CSPG5: variants seen among roughly 807,000 people sequenced by gnomAD.
CSPG5 encodes chondroitin sulfate proteoglycan 5.
In CSPG5, 25 loss-of-function variants were observed where a neutral mutation model predicts 39.8. The ratio of observed to expected loss-of-function variants is 0.63; its 90% CI spans 0.46 to 0.88. CSPG5 has a LOEUF of 0.88. Among genes scored for constraint, CSPG5 ranks in the 40% least tolerant of loss-of-function variants. The probability of loss-of-function intolerance (pLI) is 0.00; values close to 1 mark genes in which losing one functional copy is unlikely to be tolerated. For synonymous variants in CSPG5, 295 were observed against 303.9 expected, an observed-to-expected ratio of 0.97 and a Z score of 0.31; for missense variants, 627 against 702.2, an observed-to-expected ratio of 0.89 and a Z score of 1.21.
intron 4 of CSPG5, among the ~76,000 whole-genome samples, chr3:47,564,323 C>T (rs1005144547): frequency 6.6e-6 from 1 of 152,120 alleles, no homozygotes; most frequent in Non-Finnish European, 1.5e-5. Context: ...GGAGAGACCC[C>T]GGGCTTTCCA....
Position 47,572,695 on chromosome 3 carries a change from C to T in CSPG5, c.1373G>A (p.Arg458His), listed in dbSNP as rs759474596. 2.1e-5 allele frequency: 34 copies of T among 1,613,808 alleles called. No homozygotes were observed. In the Middle Eastern group the frequency reaches 4.9e-4, roughly 23 times the overall value. Residue 458 changes from arginine (R) to histidine (H), a missense_variant, in exon 3 of 5, where the codon CGT becomes CAT. By Grantham distance (29) the Arg-to-His change is conservative. Transcript: ENST00000264723. The surrounding 1 kb of genome is among the most constrained non-coding windows in gnomAD (Gnocchi z 4.5). ...AGTGACACAGACTCACTTGGTCCTA[C>T]GCAGCTTGGTATTCTCCGTCTTGAG... ...YLLKTENTKL[R>H]RTNKFRTPSE...
chr3:47,577,246 G>C lies in CSPG5; in HGVS notation c.780C>G (p.Phe260Leu). The C allele has an allele frequency of 6.2e-7, 1 of 1,610,646 alleles. No homozygotes were observed. The highest frequency in any genetic ancestry group is 8.5e-7 in the Non-Finnish European group (1 of 1,178,370). Residue 260 changes from phenylalanine (F) to leucine (L), a missense_variant, in exon 2 of 5, where the codon TTC becomes TTG. Coordinates refer to ENST00000264723, the MANE Select transcript of CSPG5 (RefSeq NM_006574.4). The surrounding 1 kb of genome is among the most constrained non-coding windows in gnomAD (Gnocchi z 4.7). ...LLDLYDDFTP[F>L]DESDFYPTTS... is the part of the protein sequence containing the mutation. ...TGGTGGGGTAGAAATCAGATTCATC[G>C]AAGGGGGTGAAATCATCGTATAAGT...
At position 47,577,342 on chromosome 3, in the gene CSPG5, G is replaced by T. The variant is rs755253263; in HGVS notation, c.684C>A (p.Phe228Leu). The T allele has an allele frequency of 3.1e-6, 5 of 1,614,016 alleles. No homozygotes were observed. Among genetic ancestry groups the T allele is most frequent in the Non-Finnish European group, 4.2e-6 (5 of 1,179,924 alleles). Residue 228 changes from phenylalanine (F) to leucine (L), a missense_variant, in exon 2 of 5, where the codon TTC becomes TTA. Physicochemically the swap from Phe to Leu is conservative, Grantham distance 22. Coordinates refer to ENST00000264723, the MANE Select transcript of CSPG5 (RefSeq NM_006574.4). The surrounding 1 kb of genome is among the most constrained non-coding windows in gnomAD (Gnocchi z 4.7). Reference sequence around the variant, plus strand: ...TCTCTGAGGTTCCTGGTGACCCTGGGAAGCTCCCCAGATCTGCGCCACGAC... The same window carrying T: ...TCTCTGAGGTTCCTGGTGACCCTGGTAAGCTCCCCAGATCTGCGCCACGAC... ...GEGRGADLGSFPGSPGTSENH... is the reference protein window; with the variant it reads ...GEGRGADLGSLPGSPGTSENH...
chr3:47,567,962 T>C (rs1002639710), intron 4 of CSPG5, among the ~76,000 whole-genome samples: 34 of 152,188 alleles, frequency 2.2e-4, no homozygotes, highest in Non-Finnish European at 5.9e-5. Context: ...CACTGTGTAA[T>C]GTGGTAGTTA....
rs533966986 is a variant in CSPG5 at position 47,573,922 on chromosome 3, G to A, written c.1194-1048C>T. On this transcript the variant is annotated intron_variant, in intron 2 of 4. Transcript: ENST00000264723. ...TACCCCGGTGTTCTAGAGAAGTTCC[G>A]CCACAGCTCTGCTCATTTCCCTGCA... Among the ~76,000 whole-genome samples the A allele has an allele frequency of 1.2e-4, 19 of 152,334 alleles. 1 individual carries two copies. In the South Asian group the frequency reaches 3.1e-3, roughly 25 times the overall value.
At chr3:47,571,164 A>G (rs979278146) in intron 3 of CSPG5, among the ~76,000 whole-genome samples, 27 of 152,162 alleles carry the variant, frequency 1.8e-4, no homozygotes, top group Non-Finnish European at 3.5e-4. Context: ...ATATGTGGGG[A>G]AAAAAGGTAT....
At position 47,572,966 on chromosome 3, in the gene CSPG5, C is replaced by T. The variant is rs1162595662; in HGVS notation, c.1194-92G>A. On this transcript the variant is annotated intron_variant, in intron 2 of 4. Coordinates refer to ENST00000264723, the MANE Select transcript of CSPG5 (RefSeq NM_006574.4). The surrounding 1 kb of genome is among the most constrained non-coding windows in gnomAD (Gnocchi z 4.5). ...GCCCTGACCCCAACACCTATCTCCA[C>T]AGCCTGTTCCGAAGGCCATCTAGAG... is the stretch of plus-strand genomic sequence containing the variant. The T allele has an allele frequency of 2.8e-6, 3 of 1,071,756 alleles. No individual in the cohort carries two copies. Among genetic ancestry groups the T allele is most frequent in the Non-Finnish European group, 4.0e-6 (3 of 747,534 alleles). 66.4% of individuals were successfully genotyped at this position (1,071,756 alleles called of 1,614,324 possible).
intron 4 of CSPG5, among the ~76,000 whole-genome samples, chr3:47,567,768 T>C (rs1274808878): frequency 6.6e-6 from 1 of 152,122 alleles, no homozygotes; most frequent in Non-Finnish European, 1.5e-5. Flanking sequence ...TCCCAACACT[T>C]TGGGAGGCTG....
In CSPG5 at chr3:47,569,237, A is replaced by C. The variant is rs1407657675; in HGVS notation, c.1383-10T>G. The C allele has an allele frequency of 6.2e-7, 1 of 1,612,924 alleles. No individual in the cohort carries two copies. On this transcript the variant is annotated splice_polypyrimidine_tract_variant and intron_variant, in intron 3 of 4. Coordinates refer to ENST00000264723, the MANE Select transcript of CSPG5 (RefSeq NM_006574.4). ...TGGGGTCCGGAATTTGCTGGTTAGG[A>C]GAGAAGAGTGAAGGAAACATGTAAG...
chr3:47,569,025 G>C, intron 4 of CSPG5, 127 bp downstream of exon 4: 4 of 1,419,298 alleles, frequency 2.8e-6, no homozygotes, highest in Non-Finnish European at 3.7e-6. Context: ...CATGGGCCAG[G>C]GGCCAAAGCA....
At chr3:47,579,004 G>T, upstream of CSPG5, 1 of 152,868 alleles carries the variant, frequency 6.5e-6, no homozygotes, top group South Asian at 1.9e-4. This position sits in a 1 kb window ranked among gnomAD's most constrained non-coding sequence, Gnocchi z 4.2. Context: ...CCCCTCGCTG[G>T]GGACTAGGAG....
At chr3:47,567,470 T>C (rs2031355314) in intron 4 of CSPG5, among the ~76,000 whole-genome samples, 1 of 152,244 alleles carries the variant, frequency 6.6e-6, no homozygotes, top group Non-Finnish European at 1.5e-5. Context: ...TTGGTTATAA[T>C]GTTCATCTTG....
intron 4 of CSPG5, 141 bp downstream of exon 4, chr3:47,569,011 C>T: frequency 7.2e-7 from 1 of 1,380,272 alleles, no homozygotes; most frequent in Non-Finnish European, 9.6e-7. Context: ...AAATAGACAT[C>T]AGACATGGGC....
At position 47,572,787 on chromosome 3, in the gene CSPG5, G is replaced by GGT; in HGVS notation, c.1280_1281insAC (p.Ser428ProfsTer12). On this transcript the variant is annotated frameshift_variant, in exon 3 of 5. Transcript: ENST00000264723. LOFTEE classifies it high-confidence loss of function. This position sits in a 1 kb window ranked among gnomAD's most constrained non-coding sequence, Gnocchi z 4.5. Reference sequence around the variant, plus strand: ...GCAGGAGCAGGACGAGGGCAGCCGAGCCCACGGCCACGCACATCACCTGGA... The same window carrying GGT: ...GCAGGAGCAGGACGAGGGCAGCCGAGGTCCCACGGCCACGCACATCACCTGGA... 6.2e-7 allele frequency: 1 copy of GGT among 1,614,160 alleles called. No individual in the cohort carries two copies. The highest frequency in any genetic ancestry group is 8.5e-7 in the Non-Finnish European group (1 of 1,180,002).
Position 47,569,195 on chromosome 3 carries a change from T to C in CSPG5, c.1415A>G (p.Asp472Gly), listed in dbSNP as rs1252794004. Residue 472 changes from aspartate (D) to glycine (G), a missense_variant, in exon 4 of 5, where the codon GAT (aspartate) becomes GGT (glycine). By Grantham distance (94) the Asp-to-Gly change is moderately conservative (BLOSUM62 -1). Coordinates refer to ENST00000264723, the MANE Select transcript of CSPG5 (RefSeq NM_006574.4). ...GGCAATGGTGGAGAGGGAGAAGTTA[T>C]CATTGTGGAGCTCAGATGGGGTCCG... Reference protein sequence around the residue: ...KFRTPSELHNDNFSLSTIAEG... With the variant: ...KFRTPSELHNGNFSLSTIAEG... 6.2e-7 allele frequency: 1 copy of C among 1,613,408 alleles called. No individual in the cohort carries two copies. The highest frequency in any genetic ancestry group is 8.5e-7 in the Non-Finnish European group (1 of 1,179,682).
intron 2 of CSPG5, among the ~76,000 whole-genome samples, chr3:47,576,235 C>T (rs1458765021): frequency 6.6e-6 from 1 of 152,032 alleles, no homozygotes; most frequent in Non-Finnish European, 1.5e-5. Flanking sequence ...CCACGCCCGG[C>T]CTCATTTTGC....
At chr3:47,579,222 C>T (rs2031907289), upstream of CSPG5, 3 of 152,328 alleles carry the variant, frequency 2.0e-5, no homozygotes, top group Admixed American at 2.0e-4. This position sits in a 1 kb window ranked among gnomAD's most constrained non-coding sequence, Gnocchi z 4.2. Context: ...CGTCGCGGGC[C>T]CAGTTACCCG....
At chr3:47,571,246 C>A (rs992938480) in intron 3 of CSPG5, among the ~76,000 whole-genome samples, 1 of 152,178 alleles carries the variant, frequency 6.6e-6, no homozygotes, top group Non-Finnish European at 1.5e-5. Context: ...AAGCAGTAAC[C>A]AGGCTTGGGA....
rs772624125 is a variant in CSPG5, at chr3:47,572,689, G to A, written c.1379C>T (p.Thr460Ile). Residue 460 changes from threonine (T) to isoleucine (I), a missense_variant, in exon 3 of 5, where the codon ACC becomes ATC. Coordinates refer to ENST00000264723, the MANE Select transcript of CSPG5 (RefSeq NM_006574.4). The surrounding 1 kb of genome is among the most constrained non-coding windows in gnomAD (Gnocchi z 4.5). Reference protein sequence around the residue: ...LKTENTKLRRTNKFRTPSELH... With the variant: ...LKTENTKLRRINKFRTPSELH... Reference sequence around the variant, plus strand: ...TGGGTGAGTGACACAGACTCACTTGGTCCTACGCAGCTTGGTATTCTCCGT... The same window carrying A: ...TGGGTGAGTGACACAGACTCACTTGATCCTACGCAGCTTGGTATTCTCCGT... 1 of 1,613,772 alleles carries A rather than the reference G, an allele frequency of 6.2e-7. No individual in the cohort carries two copies. Among genetic ancestry groups the A allele is most frequent in the Non-Finnish European group, 8.5e-7 (1 of 1,179,762 alleles).
Sources: gnomAD v4.1 joint callset for allele counts (sites outside exome capture counted in the v4.1 genomes callset) on GRCh38, gnomAD v4.1.1 for gene constraint, Gnocchi (gnomAD v3.1) non-coding constraint, MANE v1.5 for transcripts, NCBI Gene and HGNC (gene_info 2026-07-23, HGNC 2026-07-21) for gene names.